LSM8: variants seen among roughly 807,000 people sequenced by gnomAD.
LSM8 encodes LSM8 homolog, U6 small nuclear RNA associated.
Under a neutral mutation model 15.0 loss-of-function variants are expected in LSM8, and 14 were observed. The ratio of observed to expected loss-of-function variants is 0.93; its 90% CI spans 0.62 to 1.46. The LOEUF is 1.46. LSM8 is among the 40% of genes most tolerant of loss of function. The probability of loss-of-function intolerance (pLI) is 0.00; values close to 1 mark genes in which losing one functional copy is unlikely to be tolerated. For missense variants in LSM8, 90 were observed against 115.4 expected (o/e 0.78, Z 1.01); for synonymous variants, 50 against 42.1 (o/e 1.19, Z -0.73).
At chr7:118,185,601 T>C (rs751615501) in intron 1 of LSM8, 53 bp from the exon 2 acceptor site, 1 of 1,454,948 alleles carries the variant, frequency 6.9e-7, no homozygotes, top group Non-Finnish European at 9.6e-7. Context: ...CTTGCCAGAG[T>C]CTGTTTTCAA....
rs1809078101 is a variant in LSM8 at position 118,196,432 on chromosome 7, A to T, written c.*4430A>T. ...TATTTTTTTTCTTTTAAGATTGCTA[A>T]GTCTGTAGGTTGCATAATTCTAAGG... On this transcript the variant is annotated 3_prime_UTR_variant, in exon 4 of 4. Coordinates refer to ENST00000249299, the MANE Select transcript of LSM8 (RefSeq NM_016200.5). 6.6e-6 allele frequency among the ~76,000 whole-genome samples: 1 copy of T among 152,054 alleles called. No individual in the cohort carries two copies. Among genetic ancestry groups the T allele is most frequent in the Non-Finnish European group, 1.5e-5 (1 of 68,012 alleles).
rs1052255946 is a variant in LSM8 at position 118,201,992 on chromosome 7, G to T, written c.*9990G>T. 6.6e-6 allele frequency among the ~76,000 whole-genome samples: 1 copy of T among 152,028 alleles called. No homozygotes were observed. The highest frequency in any genetic ancestry group is 2.4e-5 in the African/African-American group (1 of 41,430). ...GTCTCTAGATCCTGATCACTTCTAT[G>T]TGAATTTGTAATATTCTGCTTTTGG... On this transcript the variant is annotated 3_prime_UTR_variant, in exon 4 of 4. Transcript: ENST00000249299.
rs1050807626 is a variant in LSM8 at position 118,195,213 on chromosome 7, A to G, written c.*3211A>G. ...AGGAATAGTCACTAAACAGCGAAGG[A>G]AAGTGGTGGAATTATTAAAAGACCT... On this transcript the variant is annotated 3_prime_UTR_variant, in exon 4 of 4. Coordinates refer to ENST00000249299, the MANE Select transcript of LSM8 (RefSeq NM_016200.5). Among the ~76,000 whole-genome samples, 4 of 152,180 alleles carry G rather than the reference A, an allele frequency of 2.6e-5. No individual in the cohort carries two copies. The highest frequency in any genetic ancestry group is 9.6e-5 in the African/African-American group (4 of 41,452).
In LSM8 at chr7:118,198,139, CAT is replaced by C. The variant is rs541801322; in HGVS notation, c.*6140_*6141del. On this transcript the variant is annotated 3_prime_UTR_variant, in exon 4 of 4. Transcript: ENST00000249299. Reference sequence around the variant, plus strand: ...AAAGGTAATGTGATGTTTTTAATCACATATTTTAAAATTAAAAATTTGATCAA... The same window carrying C: ...AAAGGTAATGTGATGTTTTTAATCACATTTTAAAATTAAAAATTTGATCAA... Among the ~76,000 whole-genome samples, 5 of 152,182 alleles carry C rather than the reference CAT, an allele frequency of 3.3e-5. No homozygotes were observed. The East Asian group carries it at 5.8e-4, about 18-fold the overall frequency.
chr7:118,201,388 G>C lies in LSM8; in HGVS notation c.*9386G>C, dbSNP rs1390683446. On this transcript the variant is annotated 3_prime_UTR_variant, in exon 4 of 4. Coordinates refer to ENST00000249299, the MANE Select transcript of LSM8 (RefSeq NM_016200.5). The stretch of plus-strand genomic sequence containing the variant: ...AGCAATAAAGAGACATTTTGGGCCT[G>C]ATGACATCATTTCAGCACCTGGATC... Among the ~76,000 whole-genome samples, 6 of 152,158 alleles carry C rather than the reference G, an allele frequency of 3.9e-5. No individual in the cohort carries two copies. In the East Asian group the frequency reaches 1.2e-3, roughly 29 times the overall value.
rs1056760244 is a variant in LSM8, at chr7:118,199,881, G to A, written c.*7879G>A. ...CTAGGCTGGACTGAGTGGTGAATAC[G>A]TTGATATAGCAATTTAATAAATGTG... On this transcript the variant is annotated 3_prime_UTR_variant, in exon 4 of 4. Coordinates refer to ENST00000249299, the MANE Select transcript of LSM8 (RefSeq NM_016200.5). 1.3e-5 allele frequency among the ~76,000 whole-genome samples: 2 copies of A among 152,078 alleles called. No individual in the cohort carries two copies. Among genetic ancestry groups the A allele is most frequent in the Non-Finnish European group, 2.9e-5 (2 of 68,004 alleles).
At chr7:118,186,615 G>A (rs1808894025) in intron 2 of LSM8, among the ~76,000 whole-genome samples, 1 of 152,138 alleles carries the variant, frequency 6.6e-6, no homozygotes, top group Non-Finnish European at 1.5e-5. Context: ...AACTTATGAA[G>A]AATAAGTACC....
chr7:118,195,413 A>T lies in LSM8; in HGVS notation c.*3411A>T, dbSNP rs1300063158. On this transcript the variant is annotated 3_prime_UTR_variant, in exon 4 of 4. Transcript: ENST00000249299. ...ACATAACCGTAAACAGCTATTTAAT[A>T]CTATTCCAGGTAGTCAAAGGCCAAT... 6.6e-6 allele frequency among the ~76,000 whole-genome samples: 1 copy of T among 152,206 alleles called. No individual in the cohort carries two copies. The highest frequency in any genetic ancestry group is 1.5e-5 in the Non-Finnish European group (1 of 68,026).
intron 2 of LSM8, among the ~76,000 whole-genome samples, chr7:118,187,431 AC>A (rs1808905656): frequency 6.6e-6 from 1 of 152,232 alleles, no homozygotes; most frequent in South Asian, 2.1e-4. Flanking sequence ...TAGTATAGTC[AC>A]ATTTGTATCT....
rs1809065148 is a variant in LSM8 at position 118,195,605 on chromosome 7, A to G, written c.*3603A>G. Among the ~76,000 whole-genome samples, 1 of 152,188 alleles carries G rather than the reference A, an allele frequency of 6.6e-6. No homozygotes were observed. ...AAAATTTGTTTCTATGTCAGCGAAT[A>G]TTCTTGACTCAAGGAGTTTGAAAGT... On this transcript the variant is annotated 3_prime_UTR_variant, in exon 4 of 4. Coordinates refer to ENST00000249299, the MANE Select transcript of LSM8 (RefSeq NM_016200.5).
rs769100727 is a variant in LSM8 at position 118,194,731 on chromosome 7, C to A, written c.*2729C>A. 1.3e-5 allele frequency among the ~76,000 whole-genome samples: 2 copies of A among 152,178 alleles called. No homozygotes were observed. Among genetic ancestry groups the A allele is most frequent in the African/African-American group, 2.4e-5 (1 of 41,530 alleles). On this transcript the variant is annotated 3_prime_UTR_variant, in exon 4 of 4. Coordinates refer to ENST00000249299, the MANE Select transcript of LSM8 (RefSeq NM_016200.5). ...AAGGCCCTTTGTAATGGCATGTGAA[C>A]CAGACAATTTAGTAGCCAGGGTTGT... is the stretch of plus-strand genomic sequence containing the variant.
chr7:118,194,081 G>A lies in LSM8; in HGVS notation c.*2079G>A, dbSNP rs766306373. ...CATGGTGGACTGTTTTCTCACAACC[G>A]ATTAAAATTGGATTTATTTTTGCAT... is the stretch of plus-strand genomic sequence containing the variant. On this transcript the variant is annotated 3_prime_UTR_variant, in exon 4 of 4. Transcript: ENST00000249299. Among the ~76,000 whole-genome samples the A allele has an allele frequency of 5.3e-5, 8 of 152,138 alleles. No individual in the cohort carries two copies. In the East Asian group the frequency reaches 7.7e-4, roughly 15 times the overall value.
intron 3 of LSM8, chr7:118,189,867 A>C: frequency 6.6e-6 from 1 of 152,230 alleles, no homozygotes; most frequent in East Asian, 1.9e-4. Flanking sequence ...ATCTTGAAAA[A>C]AAAAAGAAAA....
In LSM8 at chr7:118,193,665, T is replaced by C. The variant is rs1464771388; in HGVS notation, c.*1663T>C. On this transcript the variant is annotated 3_prime_UTR_variant, in exon 4 of 4. Coordinates refer to ENST00000249299, the MANE Select transcript of LSM8 (RefSeq NM_016200.5). ...AGTGGGTAAGGCAAACAGGCAAATTTAGGGACTGTGAATGAAATATTGTAG... is the reference window on the plus strand; with the variant it reads ...AGTGGGTAAGGCAAACAGGCAAATTCAGGGACTGTGAATGAAATATTGTAG... Among the ~76,000 whole-genome samples, 1 of 152,120 alleles carries C rather than the reference T, an allele frequency of 6.6e-6. No homozygotes were observed. Among genetic ancestry groups the C allele is most frequent in the African/African-American group, 2.4e-5 (1 of 41,436 alleles).
rs1342919929 is a variant in LSM8, at chr7:118,196,277, G to A, written c.*4275G>A. ...ATCATCTTGACTCAGATTTACTGTC[G>A]AAGGTCGTGTTATTTCATCAGATTC... On this transcript the variant is annotated 3_prime_UTR_variant, in exon 4 of 4. Coordinates refer to ENST00000249299, the MANE Select transcript of LSM8 (RefSeq NM_016200.5). 6.6e-6 allele frequency among the ~76,000 whole-genome samples: 1 copy of A among 152,114 alleles called. No homozygotes were observed. Among genetic ancestry groups the A allele is most frequent in the African/African-American group, 2.4e-5 (1 of 41,416 alleles).
rs1809125674 is a variant in LSM8, at chr7:118,198,985, G to T, written c.*6983G>T. On this transcript the variant is annotated 3_prime_UTR_variant, in exon 4 of 4. Transcript: ENST00000249299. Reference sequence around the variant, plus strand: ...AAACCCTGAACACCAAGGCTCAAGAGAGCTTATTAGCAATACTTTGCATGT... The same window carrying T: ...AAACCCTGAACACCAAGGCTCAAGATAGCTTATTAGCAATACTTTGCATGT... Among the ~76,000 whole-genome samples the T allele has an allele frequency of 6.6e-6, 1 of 152,184 alleles. No homozygotes were observed. The highest frequency in any genetic ancestry group is 2.4e-5 in the African/African-American group (1 of 41,438).
intron 2 of LSM8, among the ~76,000 whole-genome samples, chr7:118,186,042 C>CT (rs1321998972): frequency 6.6e-6 from 1 of 152,104 alleles, no homozygotes; most frequent in Admixed American, 6.6e-5. Flanking sequence ...TGCTTAGTAA[C>CT]TTTTTAATGA....
intron 1 of LSM8, chr7:118,184,511 A>G (rs780230504): frequency 1.1e-4 from 43 of 398,524 alleles, no homozygotes; most frequent in African/African-American, 2.9e-4. Context: ...TCTGTCTTAA[A>G]AAAAATGTAC....
At chr7:118,185,861 T>G (rs1402020919) in intron 2 of LSM8, among the ~76,000 whole-genome samples, 167 bp downstream of exon 2, 1 of 152,220 alleles carries the variant, frequency 6.6e-6, no homozygotes, top group East Asian at 1.9e-4. Flanking sequence ...TTTTCCTCAC[T>G]AATAAACATT....
Sources: gnomAD v4.1 joint callset for allele counts (sites outside exome capture counted in the v4.1 genomes callset) on GRCh38, gnomAD v4.1.1 for gene constraint, MANE v1.5 for transcripts, NCBI Gene and HGNC (gene_info 2026-07-23, HGNC 2026-07-21) for gene names.